Variants in LIN7A observed in about 807,000 individuals in gnomAD.
LIN7A encodes protein lin-7 homolog A.
LIN7A carries 25 observed loss-of-function variants against 29.8 expected under a neutral mutation model. The observed-to-expected ratio is 0.84, with a 90% CI of 0.61 to 1.17. LIN7A has a LOEUF of 1.17. Ranked by LOEUF, LIN7A falls within the 50% of genes most tolerant of loss-of-function variation. LIN7A has a pLI of 0.00. For synonymous variants in LIN7A, 118 were observed against 107.5 expected (o/e 1.10, Z -0.60); for missense variants, 239 against 287.0 (o/e 0.83, Z 1.21).
At chr12:80,858,076 A>G (rs1873691179) in intron 2 of LIN7A, among the ~76,000 whole-genome samples, 1 of 152,170 alleles carries the variant, frequency 6.6e-6, no homozygotes, top group Non-Finnish European at 1.5e-5. Context: ...GGTACATAAT[A>G]TAGCACAGTC....
chr12:80,831,391 C>A (rs1203775353), intron 4 of LIN7A, among the ~76,000 whole-genome samples: 1 of 152,172 alleles, frequency 6.6e-6, no homozygotes, highest in East Asian at 1.9e-4. Flanking sequence ...AGTTAAAAGT[C>A]TGACCCAAGG....
rs557006573 is a variant in LIN7A, at chr12:80,918,801, A to AT, written c.82+18839dup. 4.6e-4 allele frequency among the ~76,000 whole-genome samples: 70 copies of AT among 152,258 alleles called. No homozygotes were observed. In the East Asian group the frequency reaches 0.012, roughly 25 times the overall value. On this transcript the variant is annotated intron_variant, in intron 1 of 5. Coordinates refer to ENST00000552864, the MANE Select transcript of LIN7A (RefSeq NM_004664.4). Reference sequence around the variant, plus strand: ...GAGCAAGAACAGAAAAATAGTTTGCATAAGCAAATACAGTCATGGACTACA... The same window carrying AT: ...GAGCAAGAACAGAAAAATAGTTTGCATTAAGCAAATACAGTCATGGACTACA...
At position 80,876,701 on chromosome 12, in the gene LIN7A, T is replaced by C. The variant is rs1338506436; in HGVS notation, c.201+12550A>G. Reference sequence around the variant, plus strand: ...AGACCCCATTGCATTGTACATTCCATTGGTGAAAATTTAAATGTCTCATAT... The same window carrying C: ...AGACCCCATTGCATTGTACATTCCACTGGTGAAAATTTAAATGTCTCATAT... On this transcript the variant is annotated intron_variant, in intron 2 of 5. Transcript: ENST00000552864. 3.9e-5 allele frequency among the ~76,000 whole-genome samples: 6 copies of C among 152,164 alleles called. 1 individual carries two copies. In the East Asian group the frequency reaches 5.8e-4, roughly 15 times the overall value.
chr12:80,820,335 A>G (rs1003110275), intron 4 of LIN7A, among the ~76,000 whole-genome samples: 10 of 152,236 alleles, frequency 6.6e-5, no homozygotes. Flanking sequence ...TTAGAAATAG[A>G]AGAATTTTTG....
intron 2 of LIN7A, among the ~76,000 whole-genome samples, chr12:80,868,329 G>T (rs867149403): frequency 6.6e-5 from 10 of 152,322 alleles, no homozygotes; most frequent in South Asian, 2.1e-4. Flanking sequence ...AGCACTTTGG[G>T]AGGCCAAGGC....
intron 4 of LIN7A, among the ~76,000 whole-genome samples, chr12:80,819,972 A>G (rs1328176632): frequency 6.6e-6 from 1 of 152,212 alleles, no homozygotes; most frequent in African/African-American, 2.4e-5. Flanking sequence ...TACCAAGTAA[A>G]TTAATAGTGT....
chr12:80,860,608 T>C (rs1258398545), intron 2 of LIN7A, among the ~76,000 whole-genome samples: 3 of 152,184 alleles, frequency 2.0e-5, no homozygotes, highest in African/African-American at 7.2e-5. Flanking sequence ...AGCCTCTCAG[T>C]AATGCTGGCA....
intron 2 of LIN7A, among the ~76,000 whole-genome samples, chr12:80,856,745 A>G (rs1873620946): frequency 1.3e-5 from 2 of 152,202 alleles, no homozygotes; most frequent in South Asian, 4.1e-4. Flanking sequence ...AAACAAAATC[A>G]GCCTACCTCT....
chr12:80,898,663 A>T (rs1298260774), intron 1 of LIN7A, among the ~76,000 whole-genome samples: 2 of 151,988 alleles, frequency 1.3e-5, no homozygotes, highest in African/African-American at 2.4e-5. Flanking sequence ...TTTCTTTGAG[A>T]AGTGTTTTGT....
At chr12:80,875,110 C>G (rs1211452640) in intron 2 of LIN7A, among the ~76,000 whole-genome samples, 1 of 152,172 alleles carries the variant, frequency 6.6e-6, no homozygotes, top group Non-Finnish European at 1.5e-5. Context: ...TAGACTGGGA[C>G]CTGGGATACT....
intron 4 of LIN7A, among the ~76,000 whole-genome samples, chr12:80,815,568 C>T (rs532408686): frequency 6.6e-6 from 1 of 152,162 alleles, no homozygotes; most frequent in Non-Finnish European, 1.5e-5. Flanking sequence ...TATATACAAG[C>T]ACTCCTGATT....
intron 5 of LIN7A, among the ~76,000 whole-genome samples, chr12:80,803,601 G>T (rs750522525): frequency 2.0e-5 from 3 of 152,018 alleles, no homozygotes; most frequent in Non-Finnish European, 2.9e-5. Context: ...AGTTGATTTG[G>T]CTATTTGATG....
At chr12:80,826,598 C>T (rs1249631570) in intron 4 of LIN7A, among the ~76,000 whole-genome samples, 1 of 152,154 alleles carries the variant, frequency 6.6e-6, no homozygotes, top group African/African-American at 2.4e-5. Flanking sequence ...TCTTGGCTCA[C>T]TGCAACTTTC....
At chr12:80,873,709 C>A (rs563803116) in intron 2 of LIN7A, among the ~76,000 whole-genome samples, 1 of 152,012 alleles carries the variant, frequency 6.6e-6, no homozygotes, top group Non-Finnish European at 1.5e-5. Context: ...GTCACTGGCC[C>A]ATGTTTCCAG....
rs1871037380 is a variant in LIN7A at position 80,807,068 on chromosome 12, T to TTTTTTTG, written c.*4396_*4397insCAAAAAA. 2.4e-4 allele frequency among the ~76,000 whole-genome samples: 20 copies of TTTTTTTG among 84,992 alleles called. 1 individual carries two copies. The highest frequency in any genetic ancestry group is 3.6e-4 in the Non-Finnish European group (16 of 44,546). 55.8% of individuals were successfully genotyped at this position (84,992 alleles called of 152,430 possible). On this transcript the variant is annotated intron_variant, in intron 5 of 5. Coordinates refer to ENST00000552864, the MANE Select transcript of LIN7A (RefSeq NM_004664.4). ...GGAAATTTAATGAAGATGGAGTTTT[T>TTTTTTTG]TTTTTTTTTTTTTTTTTTTTTTTGA...
At position 80,795,448 on chromosome 12, in the gene LIN7A, C is replaced by G. The variant is rs991989238; in HGVS notation, c.*2279G>C. 6.6e-6 allele frequency: 1 copy of G among 151,942 alleles called. No homozygotes were observed. The highest frequency in any genetic ancestry group is 2.4e-5 in the African/African-American group (1 of 41,384). 9.4% of individuals were successfully genotyped at this position (151,942 alleles called of 1,614,324 possible). ...AGCACTTAACATTAACCAAATGAAGCATAAATACAAAGGTTTCTAGAAAAC... is the reference window on the plus strand; with the variant it reads ...AGCACTTAACATTAACCAAATGAAGGATAAATACAAAGGTTTCTAGAAAAC... On this transcript the variant is annotated 3_prime_UTR_variant, in exon 6 of 6. Transcript: ENST00000552864.
At chr12:80,818,473 G>A (rs1260107323) in intron 4 of LIN7A, among the ~76,000 whole-genome samples, 4 of 152,142 alleles carry the variant, frequency 2.6e-5, no homozygotes, top group African/African-American at 4.8e-5. Flanking sequence ...CTAGTAAGTC[G>A]AACAGATCAA....
At chr12:80,842,255 T>C (rs1391015497) in intron 4 of LIN7A, 1 of 513,288 alleles carries the variant, frequency 1.9e-6, no homozygotes, top group African/African-American at 2.1e-5. Context: ...TGTGTATATA[T>C]ATATTTCTGT....
chr12:80,824,326 A>T (rs999146136), intron 4 of LIN7A, among the ~76,000 whole-genome samples: 5 of 152,172 alleles, frequency 3.3e-5, no homozygotes, highest in Non-Finnish European at 7.3e-5. Flanking sequence ...AAAATATAGA[A>T]TCTCTGAACA....
Sources: gnomAD v4.1 joint callset for allele counts (sites outside exome capture counted in the v4.1 genomes callset) on GRCh38, gnomAD v4.1.1 for gene constraint, MANE v1.5 for transcripts, NCBI Gene and HGNC (gene_info 2026-07-23, HGNC 2026-07-21) for gene names.